Variants in CPNE4 observed in about 807,000 individuals in gnomAD.
CPNE4 encodes the protein copine-4.
Under a neutral mutation model 67.9 loss-of-function variants are expected in CPNE4, and 25 were observed. That is an observed-to-expected ratio of 0.37 (90% CI 0.27 to 0.51). CPNE4 has a LOEUF of 0.51. Ranked by LOEUF, CPNE4 falls within the 20% of genes least tolerant of loss-of-function variation. The pLI is 0.93. For synonymous variants in CPNE4, 242 were observed against 244.9 expected, an observed-to-expected ratio of 0.99 and a Z score of 0.11; for missense variants, 464 against 690.8, an observed-to-expected ratio of 0.67 and a Z score of 3.68.
At chr3:131,812,348 G>A (rs1220427588) in intron 2 of CPNE4, among the ~76,000 whole-genome samples, 1 of 152,010 alleles carries the variant, frequency 6.6e-6, no homozygotes, top group East Asian at 1.9e-4. Context: ...GGTACAAAAT[G>A]AATGCTCAGG....
At chr3:131,664,780 T>A (rs1202967687) in intron 7 of CPNE4, among the ~76,000 whole-genome samples, 28 of 152,130 alleles carry the variant, frequency 1.8e-4, no homozygotes, top group Admixed American at 1.8e-3. Flanking sequence ...AATTATGATA[T>A]TTATAAGGGC....
chr3:131,858,929 G>C (rs1389235189), intron 2 of CPNE4, among the ~76,000 whole-genome samples: 1 of 152,118 alleles, frequency 6.6e-6, no homozygotes, highest in Non-Finnish European at 1.5e-5. Context: ...AAAAGAGAAA[G>C]AGTAATGTCT....
At chr3:131,721,688 C>A (rs148478962) in intron 3 of CPNE4, among the ~76,000 whole-genome samples, 2,494 of 152,192 alleles carry the variant, frequency 0.016, 52 homozygotes, top group African/African-American at 0.057. Flanking sequence ...AGCCACCGCG[C>A]CTGGCCGGAT....
chr3:131,816,345 G>C (rs1285022002), intron 2 of CPNE4, among the ~76,000 whole-genome samples: 3 of 152,094 alleles, frequency 2.0e-5, no homozygotes, highest in African/African-American at 7.2e-5. Flanking sequence ...TTTTATTGTT[G>C]TTACTTTCCT....
At chr3:131,677,503 G>T (rs574616883) in intron 6 of CPNE4, among the ~76,000 whole-genome samples, 15 of 152,098 alleles carry the variant, frequency 9.9e-5, no homozygotes, top group African/African-American at 3.6e-4. Flanking sequence ...TGAAATCTTT[G>T]CCCATGCTTA....
chr3:131,925,145 CTT>C (rs990626748), intron 1 of CPNE4, among the ~76,000 whole-genome samples: 6 of 137,688 alleles, frequency 4.4e-5, no homozygotes, highest in African/African-American at 1.1e-4. Flanking sequence ...TTCTCTCTCT[CTT>C]GTTCTCATAT....
intron 2 of CPNE4, among the ~76,000 whole-genome samples, chr3:131,867,771 T>C (rs1451473612): frequency 6.6e-6 from 1 of 152,104 alleles, no homozygotes; most frequent in Non-Finnish European, 1.5e-5. Flanking sequence ...CTTGGAAAAA[T>C]AACATCCTCT....
At chr3:131,758,259 A>G (rs1289073849) in intron 2 of CPNE4, among the ~76,000 whole-genome samples, 3 of 152,202 alleles carry the variant, frequency 2.0e-5, no homozygotes, top group Non-Finnish European at 4.4e-5. Context: ...CTGCAAAGCC[A>G]CAGGGGAAGA....
Position 131,720,388 on chromosome 3 carries a change from G to C in CPNE4, c.360+3058C>G, listed in dbSNP as rs139883548. ...CAACCTCTGCCTCCTGGGTTCAAGT[G>C]ATTCTCCTGCCTCAGCCTCCCGAGT... On this transcript the variant is annotated intron_variant, in intron 3 of 15. Coordinates refer to ENST00000429747, the MANE Select transcript of CPNE4 (RefSeq NM_130808.3). Among the ~76,000 whole-genome samples the C allele has an allele frequency of 6.3e-3, 951 of 150,068 alleles. 9 individuals are homozygous for C. Among genetic ancestry groups the C allele is most frequent in the African/African-American group, 0.022 (903 of 40,732 alleles).
intron 10 of CPNE4, among the ~76,000 whole-genome samples, chr3:131,571,638 T>C (rs953020024): frequency 1.3e-5 from 2 of 151,990 alleles, no homozygotes; most frequent in Non-Finnish European, 2.9e-5. Context: ...GCCACCCTTG[T>C]TTAGCTTCTT....
At chr3:131,669,135 A>T (rs1284997002) in intron 7 of CPNE4, among the ~76,000 whole-genome samples, 3 of 151,744 alleles carry the variant, frequency 2.0e-5, no homozygotes, top group African/African-American at 7.3e-5. Flanking sequence ...ATATGGCCCC[A>T]CCCCTTCTCT....
At chr3:131,700,109 T>C in intron 3 of CPNE4, 129 bp from the exon 4 acceptor site, 2 of 530,078 alleles carry the variant, frequency 3.8e-6, no homozygotes, top group Non-Finnish European at 6.4e-6. Flanking sequence ...TGTGTCAATT[T>C]ATATTTCAGG....
intron 7 of CPNE4, among the ~76,000 whole-genome samples, chr3:131,669,246 G>C (rs1368655216): frequency 6.6e-6 from 1 of 152,070 alleles, no homozygotes; most frequent in Non-Finnish European, 1.5e-5. Context: ...ATCAACAGAA[G>C]AATCACCTAG....
intron 1 of CPNE4, among the ~76,000 whole-genome samples, chr3:131,908,135 G>A (rs997920282): frequency 6.6e-6 from 1 of 152,014 alleles, no homozygotes; most frequent in African/African-American, 2.4e-5. Flanking sequence ...AAGGAACAGT[G>A]GATACAACAA....
chr3:131,990,571 A>C lies in CPNE4; in HGVS notation c.-2+43996T>G, dbSNP rs1002879784. On this transcript the variant is annotated intron_variant, in intron 1 of 15. Coordinates refer to ENST00000429747, the MANE Select transcript of CPNE4 (RefSeq NM_130808.3). ...TAAGACAAATGTTATATGACTTGAC[A>C]ACATAATACGTATAGAATAAAATAT... 2.2e-5 allele frequency among the ~76,000 whole-genome samples: 3 copies of C among 136,668 alleles called. 1 individual carries two copies. In the Admixed American group the frequency reaches 2.5e-4, roughly 11 times the overall value. The allele number at this position is 136,668 out of a possible 152,430, so 89.7% of individuals were successfully genotyped here. A position where few individuals can be genotyped will look rare whatever the true frequency, so the allele number is the denominator to read the frequency against.
At chr3:131,551,877 T>C (rs139224028) in intron 13 of CPNE4, among the ~76,000 whole-genome samples, 36 of 152,216 alleles carry the variant, frequency 2.4e-4, no homozygotes, top group African/African-American at 8.7e-4. Context: ...TGTGAAATCA[T>C]GTCAGAGAAT....
intron 7 of CPNE4, among the ~76,000 whole-genome samples, chr3:131,619,946 CAGG>C (rs1218376740): frequency 2.0e-5 from 3 of 152,176 alleles, no homozygotes; most frequent in Non-Finnish European, 4.4e-5. Flanking sequence ...TGACTGATTG[CAGG>C]AGAAGTGAAG....
At chr3:132,002,992 G>C (rs2073495116) in intron 1 of CPNE4, among the ~76,000 whole-genome samples, 1 of 152,056 alleles carries the variant, frequency 6.6e-6, no homozygotes. Flanking sequence ...CCCCATTCCA[G>C]ACCTACTGAG....
intron 2 of CPNE4, among the ~76,000 whole-genome samples, chr3:131,786,619 A>G (rs1237377249): frequency 6.6e-6 from 1 of 152,148 alleles, no homozygotes; most frequent in African/African-American, 2.4e-5. Flanking sequence ...CAAGGCACCT[A>G]GGGTAAAGCA....
Sources: gnomAD v4.1 joint callset for allele counts (sites outside exome capture counted in the v4.1 genomes callset) on GRCh38, gnomAD v4.1.1 for gene constraint, MANE v1.5 for transcripts, NCBI Gene and HGNC (gene_info 2026-07-23, HGNC 2026-07-21) for gene names.